MCC: variants seen among roughly 807,000 people sequenced by gnomAD.
MCC encodes colorectal mutant cancer protein.
Under a neutral mutation model 116.2 loss-of-function variants are expected in MCC, and 90 were observed. The observed-to-expected ratio is 0.77, with a 90% CI of 0.65 to 0.92. The LOEUF is 0.92. Among genes scored for constraint, MCC ranks in the 40% least tolerant of loss-of-function variants. MCC has a pLI of 0.00. For synonymous variants in MCC, 578 were observed against 510.5 expected (o/e 1.13, Z -1.78); for missense variants, 1,516 against 1,312.2 (o/e 1.16, Z -2.40).
At chr5:113,307,541 G>T (rs1767019705) in intron 3 of MCC, among the ~76,000 whole-genome samples, 1 of 151,980 alleles carries the variant, frequency 6.6e-6, no homozygotes, top group Non-Finnish European at 1.5e-5. Flanking sequence ...TAACCTTTTG[G>T]TGTATTTCTT....
chr5:113,425,157 A>C (rs1353853530), intron 1 of MCC, among the ~76,000 whole-genome samples: 2 of 152,226 alleles, frequency 1.3e-5, no homozygotes, highest in African/African-American at 2.4e-5. Flanking sequence ...GAAGAGAAAA[A>C]GAGAAACAAC....
At chr5:113,110,898 C>T (rs567733089) in intron 6 of MCC, among the ~76,000 whole-genome samples, 7 of 152,096 alleles carry the variant, frequency 4.6e-5, no homozygotes, top group Non-Finnish European at 1.0e-4. Context: ...TCTGGCAATG[C>T]GGGGCCCAGC....
intron 3 of MCC, among the ~76,000 whole-genome samples, chr5:113,215,441 T>G (rs955850053): frequency 6.6e-6 from 1 of 152,174 alleles, no homozygotes; most frequent in Non-Finnish European, 1.5e-5. Flanking sequence ...ATTGAGGTAT[T>G]GAAACTCAGT....
At chr5:113,265,373 G>A (rs939496055) in intron 3 of MCC, among the ~76,000 whole-genome samples, 4 of 152,086 alleles carry the variant, frequency 2.6e-5, no homozygotes, top group Admixed American at 1.3e-4. Flanking sequence ...AGGCTATGAC[G>A]TCACAGAATG....
chr5:113,138,035 CTTT>C (rs11353616), intron 5 of MCC, among the ~76,000 whole-genome samples: 1 of 148,978 alleles, frequency 6.7e-6, no homozygotes. Flanking sequence ...TCCCAAAATT[CTTT>C]TTTTTTTTTT....
intron 1 of MCC, among the ~76,000 whole-genome samples, chr5:113,458,005 G>A (rs530912212): frequency 2.6e-5 from 4 of 151,940 alleles, no homozygotes; most frequent in Non-Finnish European, 5.9e-5. Context: ...GAGAACCTTT[G>A]TGTCTAGCTC....
At chr5:113,047,706 T>C (rs1232589967) in intron 16 of MCC, among the ~76,000 whole-genome samples, 2 of 151,810 alleles carry the variant, frequency 1.3e-5, no homozygotes, top group African/African-American at 4.8e-5. Flanking sequence ...AACAGAAAAA[T>C]ATGATGCACA....
intron 8 of MCC, among the ~76,000 whole-genome samples, chr5:113,086,972 G>A (rs1023013323): frequency 1.1e-4 from 17 of 152,162 alleles, no homozygotes; most frequent in Non-Finnish European, 8.8e-5. Context: ...GCTGCCGGTC[G>A]GGGACCATAC....
rs904356858 is a variant in MCC, at chr5:113,461,413, G to A, written c.170+26832C>T. Among the ~76,000 whole-genome samples, 15 of 152,260 alleles carry A rather than the reference G, an allele frequency of 9.9e-5. No homozygotes were observed. In the East Asian group the frequency reaches 2.9e-3, roughly 29 times the overall value. Reference sequence around the variant, plus strand: ...TGAAAGTGTGAAGTTTTTGCCCAAAGTTACATGGCCAGTATGGAGTGGAGA... The same window carrying A: ...TGAAAGTGTGAAGTTTTTGCCCAAAATTACATGGCCAGTATGGAGTGGAGA... On this transcript the variant is annotated intron_variant, in intron 1 of 18. Coordinates refer to ENST00000408903, the MANE Select transcript of MCC (RefSeq NM_001085377.2).
At chr5:113,460,038 A>G (rs1163170558) in intron 1 of MCC, among the ~76,000 whole-genome samples, 1 of 152,340 alleles carries the variant, frequency 6.6e-6, no homozygotes, top group South Asian at 2.1e-4. Context: ...CTGAAGCAAC[A>G]TGAAGTAAAG....
intron 1 of MCC, among the ~76,000 whole-genome samples, chr5:113,472,997 C>T (rs1363656359): frequency 1.3e-5 from 2 of 152,176 alleles, no homozygotes; most frequent in African/African-American, 4.8e-5. Flanking sequence ...GATACAAAGA[C>T]ATTGTTGCAT....
At position 113,434,511 on chromosome 5, in the gene MCC, T is replaced by C; in HGVS notation, c.171-49299A>G. The C allele has an allele frequency of 6.2e-7, 1 of 1,612,900 alleles. No individual in the cohort carries two copies. The highest frequency in any genetic ancestry group is 8.5e-7 in the Non-Finnish European group (1 of 1,179,080). On this transcript the variant is annotated intron_variant, in intron 1 of 18. Transcript: ENST00000408903. The surrounding 1 kb of genome is among the most constrained non-coding windows in gnomAD (Gnocchi z 4.2). ...GTGGAACTTCTTGCGAGCTTCGTCCTCATGCAGGGCTCCCCGGGTTTTGAT... is the reference window on the plus strand; with the variant it reads ...GTGGAACTTCTTGCGAGCTTCGTCCCCATGCAGGGCTCCCCGGGTTTTGAT...
intron 3 of MCC, among the ~76,000 whole-genome samples, chr5:113,164,566 G>A (rs888293510): frequency 1.3e-5 from 2 of 152,112 alleles, no homozygotes; most frequent in Non-Finnish European, 2.9e-5. Context: ...TCATTCTTAC[G>A]TGTCGATCAC....
chr5:113,216,130 G>A (rs1165913240), intron 3 of MCC, among the ~76,000 whole-genome samples: 1 of 152,174 alleles, frequency 6.6e-6, no homozygotes, highest in Non-Finnish European at 1.5e-5. Context: ...TAGTGCCTAT[G>A]GTTGCTTTTG....
At position 113,151,499 on chromosome 5, in the gene MCC, T is replaced by G. The variant is rs371164349; in HGVS notation, c.628-77A>C. ...CTTCCCTTCATTCCCGCAACTAGTATAACCAAATAAAAAGCCTATCATCCA... is the reference window on the plus strand; with the variant it reads ...CTTCCCTTCATTCCCGCAACTAGTAGAACCAAATAAAAAGCCTATCATCCA... On this transcript the variant is annotated intron_variant, in intron 3 of 18. Coordinates refer to ENST00000408903, the MANE Select transcript of MCC (RefSeq NM_001085377.2). 7 of 746,596 alleles carry G rather than the reference T, an allele frequency of 9.4e-6. No individual in the cohort carries two copies. The East Asian group carries it at 1.9e-4, about 20-fold the overall frequency. 46.2% of individuals were successfully genotyped at this position (746,596 alleles called of 1,614,324 possible).
chr5:113,293,939 T>C (rs1450352682), intron 3 of MCC, among the ~76,000 whole-genome samples: 1 of 151,916 alleles, frequency 6.6e-6, no homozygotes, highest in Non-Finnish European at 1.5e-5. Flanking sequence ...CCCACCAAAT[T>C]AGTTACCGTC....
intron 3 of MCC, among the ~76,000 whole-genome samples, chr5:113,167,192 G>A (rs1329472921): frequency 6.6e-6 from 1 of 152,154 alleles, no homozygotes; most frequent in Non-Finnish European, 1.5e-5. Context: ...ATTATGGAGG[G>A]CATTTCTTTT....
Position 113,205,655 on chromosome 5 carries a change from A to C in MCC, c.628-54233T>G, listed in dbSNP as rs138779064. On this transcript the variant is annotated intron_variant, in intron 3 of 18. Transcript: ENST00000408903. Reference sequence around the variant, plus strand: ...ATGTTTTAAAAGCATGAATAGCTCTAAAGTTGAAAGAAAGTCTTAAAGAGT... The same window carrying C: ...ATGTTTTAAAAGCATGAATAGCTCTCAAGTTGAAAGAAAGTCTTAAAGAGT... Among the ~76,000 whole-genome samples, 80 of 152,374 alleles carry C rather than the reference A, an allele frequency of 5.3e-4. 1 individual carries two copies. The highest frequency in any genetic ancestry group is 1.9e-3 in the African/African-American group (78 of 41,594).
rs1300750850 is a variant in MCC, at chr5:113,340,682, C to T, written c.464G>A (p.Arg155Lys). The change falls in exon 3 of 19, where the codon AGG becomes AAG. Residue 155 changes from arginine to lysine, a missense_variant. Physicochemically the swap from Arg to Lys is conservative, Grantham distance 26. Transcript: ENST00000408903. ...CTGCACATCCGGGCTCTGGAGGTCC[C>T]TGGCACCAGAGTCGTATTCCCAGCT... is the stretch of plus-strand genomic sequence containing the variant. ...RESWEYDSGA[R>K]DLQSPDVQSQ... is the part of the protein sequence containing the mutation. 6.2e-7 allele frequency: 1 copy of T among 1,613,910 alleles called. No homozygotes were observed. Among genetic ancestry groups the T allele is most frequent in the Non-Finnish European group, 8.5e-7 (1 of 1,180,030 alleles).
Sources: gnomAD v4.1 joint callset for allele counts (sites outside exome capture counted in the v4.1 genomes callset) on GRCh38, gnomAD v4.1.1 for gene constraint, Gnocchi (gnomAD v3.1) non-coding constraint, MANE v1.5 for transcripts, NCBI Gene and HGNC (gene_info 2026-07-23, HGNC 2026-07-21) for gene names.